The following EYS variants were observed in gnomAD, a reference collection of about 807,000 sequenced individuals.
EYS encodes the protein EGF-like photoreceptor maintenance factor.
EYS carries 250 observed loss-of-function variants against 282.1 expected under a neutral mutation model. The observed-to-expected ratio is 0.89, with a 90% CI of 0.80 to 0.98. The LOEUF is 0.98. EYS is among the 50% of genes least tolerant of loss of function. The pLI, the probability that EYS is intolerant of heterozygous loss-of-function variation, is 0.00. For missense variants in EYS, 4,016 were observed against 3,709.0 expected, an observed-to-expected ratio of 1.08 and a Z score of -2.15; for synonymous variants, 1,355 against 1,282.9, an observed-to-expected ratio of 1.06 and a Z score of -1.20.
intron 29 of EYS, among the ~76,000 whole-genome samples, chr6:64,373,959 T>A (rs1282059450): frequency 6.6e-6 from 1 of 151,782 alleles, no homozygotes; most frequent in African/African-American, 2.4e-5. Flanking sequence ...TGCCTGGCTA[T>A]CAGCAGCTGG....
intron 31 of EYS, among the ~76,000 whole-genome samples, chr6:64,215,020 A>G (rs1169999370): frequency 6.6e-6 from 1 of 151,998 alleles, no homozygotes; most frequent in African/African-American, 2.4e-5. Context: ...ATTGCAAGTC[A>G]TTTCATTGTC....
chr6:64,176,062 G>A (rs777762152), intron 31 of EYS, among the ~76,000 whole-genome samples: 3 of 152,116 alleles, frequency 2.0e-5, no homozygotes, highest in Non-Finnish European at 4.4e-5. Context: ...GCCTCACTGA[G>A]AAGGTGACAT....
intron 35 of EYS, among the ~76,000 whole-genome samples, chr6:63,894,729 C>T (rs1223763046): frequency 1.3e-5 from 2 of 151,900 alleles, no homozygotes; most frequent in Non-Finnish European, 1.5e-5. Flanking sequence ...CTACAAGGGC[C>T]CGCCACCATG....
At chr6:63,895,427 T>C (rs1773512459) in intron 35 of EYS, among the ~76,000 whole-genome samples, 1 of 152,202 alleles carries the variant, frequency 6.6e-6, no homozygotes. Flanking sequence ...CTGAGAACTA[T>C]GAAATTATCA....
At chr6:65,451,667 T>C (rs1488950071) in intron 5 of EYS, among the ~76,000 whole-genome samples, 1 of 152,020 alleles carries the variant, frequency 6.6e-6, no homozygotes, top group Non-Finnish European at 1.5e-5. Context: ...AAAATAAAGT[T>C]AGCAAACATA....
chr6:65,272,949 C>G (rs1342908458), intron 12 of EYS, among the ~76,000 whole-genome samples: 2 of 152,140 alleles, frequency 1.3e-5, no homozygotes, highest in African/African-American at 4.8e-5. Flanking sequence ...AAATTAGTCA[C>G]AGTGCTCTTG....
intron 1 of EYS, among the ~76,000 whole-genome samples, chr6:65,644,256 T>C (rs981838207): frequency 2.6e-5 from 4 of 152,132 alleles, no homozygotes; most frequent in African/African-American, 9.7e-5. Context: ...AGGATACACT[T>C]AGAGAAATCC....
At chr6:63,984,882 A>G (rs896074326) in intron 34 of EYS, among the ~76,000 whole-genome samples, 8 of 151,868 alleles carry the variant, frequency 5.3e-5, no homozygotes, top group African/African-American at 1.2e-4. Flanking sequence ...ATTACTTTGA[A>G]ATTTTTTTTG....
rs749368551 is a variant in EYS, at chr6:64,025,946, G to A, written c.6726-26763C>T. Among the ~76,000 whole-genome samples the A allele has an allele frequency of 6.5e-4, 99 of 152,164 alleles. 1 individual carries two copies. The highest frequency in any genetic ancestry group is 1.0e-3 in the Non-Finnish European group (71 of 68,014). ...TGCATCAGTAAGGGCCAATAAATCC[G>A]ATTTTTCTTGGTCAGTCCTCCTTGT... On this transcript the variant is annotated intron_variant, in intron 33 of 42. Coordinates refer to ENST00000503581, the MANE Select transcript of EYS (RefSeq NM_001142800.2).
intron 12 of EYS, among the ~76,000 whole-genome samples, chr6:65,142,765 C>T (rs1764379098): frequency 6.6e-6 from 1 of 151,832 alleles, no homozygotes; most frequent in Non-Finnish European, 1.5e-5. Flanking sequence ...CAGAATGTTG[C>T]CAAGCTTTAT....
At chr6:65,181,858 C>A (rs1765394400) in intron 12 of EYS, among the ~76,000 whole-genome samples, 1 of 152,038 alleles carries the variant, frequency 6.6e-6, no homozygotes, top group African/African-American at 2.4e-5. Flanking sequence ...CACATATACA[C>A]CATGGAATAC....
At chr6:64,573,368 G>A (rs1009901832) in intron 26 of EYS, among the ~76,000 whole-genome samples, 1 of 152,114 alleles carries the variant, frequency 6.6e-6, no homozygotes, top group Non-Finnish European at 1.5e-5. Context: ...ATAGGTATGG[G>A]CAAAGACTTC....
intron 33 of EYS, among the ~76,000 whole-genome samples, chr6:64,038,173 T>A (rs930625846): frequency 2.0e-5 from 3 of 151,976 alleles, no homozygotes; most frequent in African/African-American, 7.3e-5. Context: ...GATTGGGGGA[T>A]GTGGATAGGG....
At chr6:64,293,266 G>T (rs927327010) in intron 30 of EYS, among the ~76,000 whole-genome samples, 3 of 152,018 alleles carry the variant, frequency 2.0e-5, no homozygotes, top group African/African-American at 7.2e-5. Context: ...TTGCTTAAAA[G>T]TAGGGTTTCT....
chr6:64,630,985 G>A (rs947124743), intron 22 of EYS, among the ~76,000 whole-genome samples: 3 of 152,018 alleles, frequency 2.0e-5, no homozygotes, highest in African/African-American at 4.8e-5. Context: ...AATGTCTGAC[G>A]GATTGAAATT....
At chr6:64,527,791 A>G (rs1401019936) in intron 26 of EYS, among the ~76,000 whole-genome samples, 1 of 151,778 alleles carries the variant, frequency 6.6e-6, no homozygotes, top group Non-Finnish European at 1.5e-5. Flanking sequence ...GTTTTTTGTT[A>G]TACAACATTT....
At chr6:65,246,471 T>C (rs1767182568) in intron 12 of EYS, among the ~76,000 whole-genome samples, 1 of 152,106 alleles carries the variant, frequency 6.6e-6, no homozygotes, top group African/African-American at 2.4e-5. Context: ...TAAGAGAACT[T>C]TATTTGGGTT....
At chr6:65,179,942 C>T (rs1765330528) in intron 12 of EYS, among the ~76,000 whole-genome samples, 2 of 152,014 alleles carry the variant, frequency 1.3e-5, no homozygotes, top group African/African-American at 4.8e-5. Context: ...ATAAACAGAA[C>T]CAAAGACAAA....
chr6:64,388,680 A>G lies in EYS; in HGVS notation c.6078+10T>C, dbSNP rs1435223614. Reference sequence around the variant, plus strand: ...CAATAATTAATATTTTAAAACATCTATAGAAATACCTGGATTTTCCCATGA... The same window carrying G: ...CAATAATTAATATTTTAAAACATCTGTAGAAATACCTGGATTTTCCCATGA... On this transcript the variant is annotated intron_variant, in intron 29 of 42. Transcript: ENST00000503581. The G allele has an allele frequency of 4.0e-6, 6 of 1,511,080 alleles. No individual in the cohort carries two copies. Among genetic ancestry groups the G allele is most frequent in the Non-Finnish European group, 5.3e-6 (6 of 1,124,408 alleles). 93.6% of individuals were successfully genotyped at this position (1,511,080 alleles called of 1,614,324 possible). A position where few individuals can be genotyped will look rare whatever the true frequency, so the allele number is the denominator to read the frequency against.
Sources: gnomAD v4.1 joint callset for allele counts (sites outside exome capture counted in the v4.1 genomes callset) on GRCh38, gnomAD v4.1.1 for gene constraint, MANE v1.5 for transcripts, NCBI Gene and HGNC (gene_info 2026-07-23, HGNC 2026-07-21) for gene names.